The following SS18 variants were observed in gnomAD, a reference collection of about 807,000 sequenced individuals.
The protein encoded by SS18 is SS18 subunit of BAF chromatin remodeling complex.
A neutral mutation model predicts 72.5 loss-of-function variants in SS18; 28 were observed. That is an observed-to-expected ratio of 0.39 (90% confidence interval 0.29 to 0.53). The LOEUF is 0.53. Among genes scored for constraint, SS18 ranks in the 20% least tolerant of loss-of-function variants. The pLI, the probability that SS18 is intolerant of heterozygous loss-of-function variation, is 0.76. For missense variants in SS18, 518 were observed against 535.3 expected, an observed-to-expected ratio of 0.97 and a Z score of 0.32; for synonymous variants, 172 against 164.2, an observed-to-expected ratio of 1.05 and a Z score of -0.37.
In SS18 at chr18:26,039,471, A is replaced by C. The variant is rs9953448; in HGVS notation, c.608-15T>G. On this transcript the variant is annotated splice_polypyrimidine_tract_variant and intron_variant, in intron 5 of 10. Transcript: ENST00000415083. ...CATCATTGGACCTGAAACAAGACACAACATTATACACATAATTTTTTGTAT... is the reference window on the plus strand; with the variant it reads ...CATCATTGGACCTGAAACAAGACACCACATTATACACATAATTTTTTGTAT... The C allele has an allele frequency of 0.015, 23,861 of 1,583,590 alleles. 1,574 individuals carry two copies. In the African/African-American group the frequency reaches 0.2, roughly 13 times the overall value.
intron 1 of SS18, 146 bp from the exon 2 acceptor site, chr18:26,087,723 C>A: frequency 2.2e-6 from 1 of 460,068 alleles, no homozygotes; most frequent in Non-Finnish European, 3.9e-6. Flanking sequence ...CTGTCCCCTG[C>A]AAACAATCAT....
At chr18:26,034,684 T>C (rs2053598257) in intron 9 of SS18, among the ~76,000 whole-genome samples, 1 of 152,006 alleles carries the variant, frequency 6.6e-6, no homozygotes, top group South Asian at 2.1e-4. Flanking sequence ...ATATGGTCAA[T>C]AATTACCCAA....
chr18:26,020,252 T>C (rs574198065), intron 10 of SS18, among the ~76,000 whole-genome samples: 3 of 152,278 alleles, frequency 2.0e-5, no homozygotes, highest in African/African-American at 7.2e-5. Flanking sequence ...GAGTAACATA[T>C]ATATCTCTGG....
intron 2 of SS18, among the ~76,000 whole-genome samples, chr18:26,084,408 G>A (rs1386047676): frequency 1.3e-5 from 2 of 152,180 alleles, no homozygotes; most frequent in Non-Finnish European, 2.9e-5. Flanking sequence ...TGGATTTTTA[G>A]TGGATGCTAA....
rs959299540 is a variant in SS18 at position 26,052,757 on chromosome 18, T to G, written c.474A>C (p.Gly158=). ...SSMNMPSSSH[G]SMGGYNHSVP... Reference sequence around the variant, plus strand: ...CAGAATGGTTGTAACCTCCCATGGATCCATGGCTACTTGAAGGCATATTCA... The same window carrying G: ...CAGAATGGTTGTAACCTCCCATGGAGCCATGGCTACTTGAAGGCATATTCA... The change falls in exon 5 of 11, where the codon GGA becomes GGC. Residue 158 remains glycine, a synonymous_variant. Transcript: ENST00000415083. The G allele has an allele frequency of 8.7e-6, 14 of 1,614,182 alleles. No homozygotes were observed. The highest frequency in any genetic ancestry group is 1.1e-5 in the Non-Finnish European group (13 of 1,180,008).
intron 3 of SS18, among the ~76,000 whole-genome samples, chr18:26,064,656 A>G (rs1477759960): frequency 1.3e-5 from 2 of 152,124 alleles, no homozygotes; most frequent in African/African-American, 4.8e-5. Flanking sequence ...CTTACTAATG[A>G]AATACTGGAT....
At chr18:26,023,886 AC>A (rs2053398040) in intron 10 of SS18, among the ~76,000 whole-genome samples, 2 of 151,748 alleles carry the variant, frequency 1.3e-5, no homozygotes, top group Admixed American at 6.6e-5. Flanking sequence ...ATTTTTTTAG[AC>A]AAAAATAAAT....
intron 5 of SS18, among the ~76,000 whole-genome samples, chr18:26,045,830 T>C (rs1254706751): frequency 1.3e-5 from 2 of 152,064 alleles, no homozygotes; most frequent in African/African-American, 4.8e-5. Flanking sequence ...TTACTGTCAG[T>C]TAAAAATACA....
intron 3 of SS18, among the ~76,000 whole-genome samples, chr18:26,072,616 T>A (rs1208685655): frequency 6.6e-6 from 1 of 151,224 alleles, no homozygotes; most frequent in East Asian, 1.9e-4. Flanking sequence ...GCTGACAAGG[T>A]GAAACCCCTT....
intron 3 of SS18, among the ~76,000 whole-genome samples, chr18:26,073,585 T>C (rs561115120): frequency 1.3e-5 from 2 of 152,340 alleles, no homozygotes; most frequent in South Asian, 2.1e-4. Context: ...GGAACCTCAT[T>C]ATGAATCAAG....
At chr18:26,066,427 T>A (rs2054217938) in intron 3 of SS18, among the ~76,000 whole-genome samples, 1 of 152,136 alleles carries the variant, frequency 6.6e-6, no homozygotes, top group African/African-American at 2.4e-5. Flanking sequence ...CTCTGATATT[T>A]CCCTTCACCC....
intron 3 of SS18, among the ~76,000 whole-genome samples, chr18:26,071,865 A>T (rs1265624870): frequency 6.6e-6 from 1 of 152,066 alleles, no homozygotes; most frequent in African/African-American, 2.4e-5. Flanking sequence ...AAATAAAGGC[A>T]TTTTCAGACC....
rs1479766238 is a variant in SS18, at chr18:26,016,403, A to G, written c.*1951T>C. On this transcript the variant is annotated 3_prime_UTR_variant, in exon 11 of 11. Coordinates refer to ENST00000415083, the MANE Select transcript of SS18 (RefSeq NM_001007559.3). ...ATTTATCTGTTCAAACTTGATGTCC[A>G]TTTTCTACTGATCAAGTTGAAAGAA... 3 of 182,750 alleles carry G rather than the reference A, an allele frequency of 1.6e-5. No homozygotes were observed. Among genetic ancestry groups the G allele is most frequent in the Non-Finnish European group, 3.5e-5 (3 of 85,624 alleles). The allele number at this position is 182,750 out of a possible 1,614,324, so 11.3% of individuals were successfully genotyped here.
intron 4 of SS18, among the ~76,000 whole-genome samples, chr18:26,054,909 T>G (rs2053989966): frequency 6.6e-6 from 1 of 152,026 alleles, no homozygotes; most frequent in East Asian, 2.0e-4. Context: ...CCAGCTAATT[T>G]TGTATTTTTA....
chr18:26,045,007 T>C (rs965005644), intron 5 of SS18, among the ~76,000 whole-genome samples: 1 of 152,314 alleles, frequency 6.6e-6, no homozygotes. Flanking sequence ...CCACATTTGA[T>C]CAGTCAGCAA....
intron 3 of SS18, 142 bp from the exon 4 acceptor site, chr18:26,057,884 C>T: frequency 1.3e-6 from 1 of 753,610 alleles, no homozygotes; most frequent in Non-Finnish European, 2.0e-6. Flanking sequence ...GCATTTTCAT[C>T]ATGAACATAG....
chr18:26,078,056 A>C lies in SS18; in HGVS notation c.231+20T>G. 1.3e-6 allele frequency: 2 copies of C among 1,567,450 alleles called. No individual in the cohort carries two copies. Among genetic ancestry groups the C allele is most frequent in the Non-Finnish European group, 1.7e-6 (2 of 1,142,914 alleles). ...TAACTATAAAGATTGTCTACTTCAC[A>C]TGATTTTAAAGATACTTACTGCTGG... is the stretch of plus-strand genomic sequence containing the variant. On this transcript the variant is annotated intron_variant, in intron 3 of 10. Transcript: ENST00000415083.
intron 5 of SS18, among the ~76,000 whole-genome samples, chr18:26,050,293 G>A (rs1215107322): frequency 6.6e-6 from 1 of 150,490 alleles, no homozygotes; most frequent in African/African-American, 2.4e-5. Context: ...GACCCTCTAA[G>A]AGAACACAGA....
At chr18:26,083,724 T>G (rs1354826746) in intron 2 of SS18, among the ~76,000 whole-genome samples, 1 of 152,186 alleles carries the variant, frequency 6.6e-6, no homozygotes, top group African/African-American at 2.4e-5. Flanking sequence ...CGGTCTATTG[T>G]TGACCAAAAG....
Sources: gnomAD v4.1 joint callset for allele counts (sites outside exome capture counted in the v4.1 genomes callset) on GRCh38, gnomAD v4.1.1 for gene constraint, MANE v1.5 for transcripts, NCBI Gene and HGNC (gene_info 2026-07-23, HGNC 2026-07-21) for gene names.